The following CYRIB variants were observed in gnomAD, a reference collection of about 807,000 sequenced individuals.
CYRIB encodes CYFIP-related Rac1 interactor B.
CYRIB carries 8 observed loss-of-function variants against 44.2 expected under a neutral mutation model. The observed-to-expected ratio is 0.18, with a 90% CI of 0.11 to 0.33. The LOEUF is 0.33. CYRIB is among the 10% of genes least tolerant of loss of function. The pLI is 1.00. For missense variants in CYRIB, 185 were observed against 382.8 expected, an observed-to-expected ratio of 0.48 and a Z score of 4.31; for synonymous variants, 131 against 127.2, an observed-to-expected ratio of 1.03 and a Z score of -0.20.
rs550287820 is a variant in CYRIB at position 129,966,753 on chromosome 8, G to A, written c.-243+4190C>T. 3.3e-5 allele frequency among the ~76,000 whole-genome samples: 5 copies of A among 152,198 alleles called. No homozygotes were observed. The East Asian group carries it at 7.7e-4, about 24-fold the overall frequency. ...GGGCCTCACTCCATGGCCCAGGCTGGAGTGCAGAGGACCAATTCTGGCTCA... is the reference window on the plus strand; with the variant it reads ...GGGCCTCACTCCATGGCCCAGGCTGAAGTGCAGAGGACCAATTCTGGCTCA... On this transcript the variant is annotated intron_variant, in intron 2 of 14. Coordinates refer to the CYRIB transcript ENST00000401979.
chr8:129,842,448 T>A (rs557102333), intron 11 of CYRIB, among the ~76,000 whole-genome samples: 1 of 152,332 alleles, frequency 6.6e-6, no homozygotes, highest in South Asian at 2.1e-4. Context: ...GCTGAAATGA[T>A]TGGTTGACCT....
chr8:129,915,588 GA>G (rs35416768), intron 1 of CYRIB, among the ~76,000 whole-genome samples: 3 of 152,156 alleles, frequency 2.0e-5, no homozygotes, highest in Admixed American at 2.0e-4. Flanking sequence ...AAGCAGGCAG[GA>G]AAAAACTTTG....
At chr8:129,944,428 G>A (rs547076901), upstream of CYRIB, among the ~76,000 whole-genome samples, 16 of 152,272 alleles carry the variant, frequency 1.1e-4, no homozygotes, top group South Asian at 2.9e-3. Context: ...GTGACACCAC[G>A]TGATATCAAT....
intron 2 of CYRIB, among the ~76,000 whole-genome samples, chr8:129,893,845 T>A (rs976550758): frequency 6.6e-6 from 1 of 151,922 alleles, no homozygotes; most frequent in African/African-American, 2.4e-5. Context: ...TTTTTTTTTT[T>A]CCAGCATGGT....
intron 2 of CYRIB, among the ~76,000 whole-genome samples, chr8:129,893,196 T>C (rs1276014209): frequency 6.6e-6 from 1 of 152,228 alleles, no homozygotes; most frequent in Non-Finnish European, 1.5e-5. Context: ...AAATGTATCA[T>C]TATATAAGCC....
chr8:129,869,133 C>T (rs1422738796), intron 4 of CYRIB, among the ~76,000 whole-genome samples: 1 of 150,864 alleles, frequency 6.6e-6, no homozygotes, highest in Admixed American at 6.6e-5. Flanking sequence ...CGCCTGTAAT[C>T]CCAGCACTTT....
chr8:129,867,287 C>CTTTTTTTTTT (rs747961490), intron 4 of CYRIB, among the ~76,000 whole-genome samples: 1 of 131,126 alleles, frequency 7.6e-6, no homozygotes, highest in African/African-American at 2.8e-5. Flanking sequence ...CCACACCTGG[C>CTTTTTTTTTT]TTTTTTTTTT....
At chr8:129,966,716 T>G (rs1162091860) in intron 2 of CYRIB, among the ~76,000 whole-genome samples, 2 of 152,210 alleles carry the variant, frequency 1.3e-5, no homozygotes, top group African/African-American at 4.8e-5. Flanking sequence ...TTTAATTAAT[T>G]ATTTTTAGAT....
At chr8:129,973,026 C>G (rs1230626255) in intron 1 of CYRIB, among the ~76,000 whole-genome samples, 3 of 152,172 alleles carry the variant, frequency 2.0e-5, no homozygotes, top group Admixed American at 2.0e-4. Flanking sequence ...GACACTCATT[C>G]ACTCAATAGC....
chr8:130,011,820 G>A (rs1308370301), intron 1 of CYRIB, among the ~76,000 whole-genome samples: 2 of 151,584 alleles, frequency 1.3e-5, no homozygotes, highest in Non-Finnish European at 2.9e-5. Context: ...GCGACAGAGC[G>A]AGACTCCATC....
At chr8:129,897,233 C>T (rs2068534587) in intron 2 of CYRIB, among the ~76,000 whole-genome samples, 3 of 152,204 alleles carry the variant, frequency 2.0e-5, no homozygotes. Flanking sequence ...GTAGCCATCT[C>T]ACCACTGCTT....
chr8:129,898,138 C>T (rs2069158378), intron 2 of CYRIB, among the ~76,000 whole-genome samples: 1 of 150,408 alleles, frequency 6.6e-6, no homozygotes, highest in Admixed American at 6.6e-5. Context: ...CCTTGTTAAA[C>T]ATTATAGGCT....
At chr8:129,969,306 G>A (rs1033983698) in intron 2 of CYRIB, among the ~76,000 whole-genome samples, 2 of 152,088 alleles carry the variant, frequency 1.3e-5, no homozygotes, top group East Asian at 1.9e-4. Context: ...GAGCCACCGC[G>A]GCCGGCCTAT....
At position 129,987,575 on chromosome 8, in the gene CYRIB, T is replaced by C. The variant is rs1405801327; in HGVS notation, c.-295-16580A>G. Among the ~76,000 whole-genome samples, 18 of 148,540 alleles carry C rather than the reference T, an allele frequency of 1.2e-4. No homozygotes were observed. In the East Asian group the frequency reaches 1.9e-3, roughly 16 times the overall value. On this transcript the variant is annotated intron_variant, in intron 1 of 14. Coordinates refer to the CYRIB transcript ENST00000401979. ...TCTTGTCTTTTTTTTTTTCTTTTTT[T>C]TTTTTTTTTTATGAGACTGAGTCTC...
intron 2 of CYRIB, among the ~76,000 whole-genome samples, chr8:129,958,708 TTC>T (rs2095032800): frequency 6.6e-6 from 1 of 151,614 alleles, no homozygotes; most frequent in South Asian, 2.1e-4. Context: ...CTCATTCAAT[TTC>T]TGTTATTTAC....
intron 1 of CYRIB, among the ~76,000 whole-genome samples, chr8:129,986,525 T>G (rs1289154498): frequency 6.6e-6 from 1 of 152,178 alleles, no homozygotes; most frequent in Non-Finnish European, 1.5e-5. Flanking sequence ...ATTCATCCAT[T>G]CATGGATTAA....
At chr8:130,011,143 A>G (rs529421291) in intron 1 of CYRIB, among the ~76,000 whole-genome samples, 19 of 152,216 alleles carry the variant, frequency 1.2e-4, no homozygotes, top group Non-Finnish European at 2.5e-4. Context: ...GCAGAATCTG[A>G]AATGTGTGCT....
chr8:129,978,266 A>G (rs1428569328), intron 1 of CYRIB, among the ~76,000 whole-genome samples: 1 of 152,226 alleles, frequency 6.6e-6, no homozygotes, highest in Non-Finnish European at 1.5e-5. Flanking sequence ...AGCTAATCAG[A>G]TTACCTGAAT....
intron 4 of CYRIB, 88 bp from the exon 7 acceptor site, chr8:129,862,422 G>A (rs2050280689): frequency 1.0e-6 from 1 of 1,001,270 alleles, no homozygotes; most frequent in Admixed American, 2.2e-5. Context: ...AGCAAACATA[G>A]GAAACACTGG....
Sources: gnomAD v4.1 joint callset for allele counts (sites outside exome capture counted in the v4.1 genomes callset) on GRCh38, gnomAD v4.1.1 for gene constraint, MANE v1.5 for transcripts, NCBI Gene and HGNC (gene_info 2026-07-23, HGNC 2026-07-21) for gene names.